The following MACROD2 variants were observed in gnomAD, a reference collection of about 807,000 sequenced individuals.
The protein encoded by MACROD2 is mono-ADP ribosylhydrolase 2, also known as ADP-ribose glycohydrolase MACROD2.
Under a neutral mutation model 70.4 loss-of-function variants are expected in MACROD2, and 36 were observed. The ratio of observed to expected loss-of-function variants is 0.51; its 90% CI spans 0.39 to 0.68. The LOEUF is 0.68. Among genes scored for constraint, MACROD2 ranks in the 30% least tolerant of loss-of-function variants. The pLI, the probability that MACROD2 is intolerant of heterozygous loss-of-function variation, is 0.00. For synonymous variants in MACROD2, 172 were observed against 178.8 expected (o/e 0.96, Z 0.30); for missense variants, 496 against 538.4 (o/e 0.92, Z 0.78).
At chr20:15,931,265 A>G (rs551231933) in intron 10 of MACROD2, among the ~76,000 whole-genome samples, 1 of 152,178 alleles carries the variant, frequency 6.6e-6, no homozygotes, top group Non-Finnish European at 1.5e-5. Flanking sequence ...AACAGGGAAA[A>G]TATCAGATAA....
At chr20:15,872,625 G>A (rs1206874411) in intron 9 of MACROD2, among the ~76,000 whole-genome samples, 1 of 152,036 alleles carries the variant, frequency 6.6e-6, no homozygotes, top group Non-Finnish European at 1.5e-5. Context: ...TGTACACCAA[G>A]CATCATAAAT....
At chr20:15,634,099 G>A (rs1418609933) in intron 8 of MACROD2, among the ~76,000 whole-genome samples, 1 of 152,132 alleles carries the variant, frequency 6.6e-6, no homozygotes, top group Non-Finnish European at 1.5e-5. Context: ...GCTAATCAAA[G>A]AGCAGAGAAA....
intron 3 of MACROD2, among the ~76,000 whole-genome samples, chr20:14,456,188 G>C (rs1452380870): frequency 6.6e-6 from 1 of 151,850 alleles, no homozygotes. Context: ...TCAGATAACA[G>C]TCTTTCATGA....
intron 8 of MACROD2, among the ~76,000 whole-genome samples, chr20:15,774,357 T>G (rs929648306): frequency 9.2e-5 from 14 of 152,196 alleles, no homozygotes; most frequent in Non-Finnish European, 1.9e-4. Context: ...CAGAACTCAC[T>G]TTTCTCTCAG....
rs564749181 is a variant in MACROD2 at position 14,179,088 on chromosome 20, T to TA, written c.271+93361dup. 3.9e-3 allele frequency among the ~76,000 whole-genome samples: 595 copies of TA among 152,270 alleles called. 2 individuals carry two copies. The highest frequency in any genetic ancestry group is 6.6e-3 in the Non-Finnish European group (449 of 68,012). On this transcript the variant is annotated intron_variant, in intron 3 of 17. Transcript: ENST00000684519. ...GTGCATACAGGAGGGAAGGAATTGA[T>TA]AGTGACTATCTTTGGAGTTTAGAGA...
intron 3 of MACROD2, among the ~76,000 whole-genome samples, chr20:14,374,779 C>T (rs1229624914): frequency 1.3e-5 from 2 of 152,100 alleles, no homozygotes; most frequent in Non-Finnish European, 1.5e-5. Flanking sequence ...AAATAGGTAT[C>T]CTCACTCCCC....
intron 4 of MACROD2, among the ~76,000 whole-genome samples, chr20:14,606,865 A>T (rs1982839721): frequency 6.6e-6 from 1 of 152,156 alleles, no homozygotes; most frequent in African/African-American, 2.4e-5. Flanking sequence ...CCAATTTATT[A>T]ACTTAAAAAT....
At chr20:15,654,432 CG>C (rs1258976450) in intron 8 of MACROD2, among the ~76,000 whole-genome samples, 1 of 152,196 alleles carries the variant, frequency 6.6e-6, no homozygotes. Context: ...CAGAAGTCTA[CG>C]TATTAGGTTG....
chr20:14,481,682 T>C (rs980913018), intron 3 of MACROD2, among the ~76,000 whole-genome samples: 7 of 152,208 alleles, frequency 4.6e-5, no homozygotes, highest in African/African-American at 1.4e-4. Flanking sequence ...TCTAGCATAC[T>C]AAAAAGAACA....
intron 3 of MACROD2, among the ~76,000 whole-genome samples, chr20:14,156,505 A>T (rs1488866938): frequency 6.6e-6 from 1 of 152,202 alleles, no homozygotes; most frequent in East Asian, 1.9e-4. Flanking sequence ...TGCCTACATA[A>T]CCTGTTAATC....
intron 2 of MACROD2, among the ~76,000 whole-genome samples, chr20:14,064,899 A>T (rs899398839): frequency 5.3e-5 from 8 of 152,264 alleles, no homozygotes. Flanking sequence ...TATTCAAAGA[A>T]ATCTGGAAGA....
At chr20:14,863,178 G>A (rs1600740933) in intron 5 of MACROD2, among the ~76,000 whole-genome samples, 1 of 152,228 alleles carries the variant, frequency 6.6e-6, no homozygotes, top group East Asian at 1.9e-4. Flanking sequence ...ACTGTAGGAA[G>A]AAAAACGAGA....
chr20:14,027,793 C>T (rs1478277052), intron 2 of MACROD2, among the ~76,000 whole-genome samples: 1 of 152,144 alleles, frequency 6.6e-6, no homozygotes, highest in Admixed American at 6.5e-5. Flanking sequence ...AAGCTTTGTC[C>T]CAGAAGGGCA....
intron 5 of MACROD2, among the ~76,000 whole-genome samples, chr20:15,150,960 G>C (rs1008635433): frequency 2.0e-4 from 30 of 152,038 alleles, no homozygotes; most frequent in Non-Finnish European, 1.3e-4. Context: ...TTGAAAAGAA[G>C]GTAATGTGGC....
intron 3 of MACROD2, chr20:14,337,311 G>A (rs538201384): frequency 1.0e-4 from 32 of 310,136 alleles, no homozygotes; most frequent in African/African-American, 6.0e-4. Context: ...TTCCTATTTG[G>A]ATTTCTCATA....
At chr20:14,619,097 T>C (rs1983650472) in intron 4 of MACROD2, among the ~76,000 whole-genome samples, 1 of 152,006 alleles carries the variant, frequency 6.6e-6, no homozygotes, top group South Asian at 2.1e-4. Context: ...GCAATGCACA[T>C]ACTATGTAAA....
chr20:14,759,777 G>A (rs2071990149), intron 5 of MACROD2, among the ~76,000 whole-genome samples: 1 of 152,036 alleles, frequency 6.6e-6, no homozygotes, highest in South Asian at 2.1e-4. Flanking sequence ...GAAATTCTGG[G>A]TATCTTTAAA....
chr20:16,023,108 A>T (rs1255291140), intron 15 of MACROD2, among the ~76,000 whole-genome samples: 6 of 152,218 alleles, frequency 3.9e-5, no homozygotes, highest in Non-Finnish European at 7.3e-5. Flanking sequence ...GAAGGAAAAT[A>T]AAAAGCTCAA....
Position 15,897,996 on chromosome 20 carries a change from C to A in MACROD2, c.775+12185C>A, listed in dbSNP as rs146954449. On this transcript the variant is annotated intron_variant, in intron 10 of 17. Transcript: ENST00000684519. ...ACCTGAAGATATTACCTTAGCAATA[C>A]CTTAAAGTACATATTTGGCTTAGAG... Among the ~76,000 whole-genome samples the A allele has an allele frequency of 7.0e-3, 1,066 of 152,184 alleles. 11 individuals carry two copies. Among genetic ancestry groups the A allele is most frequent in the African/African-American group, 0.023 (961 of 41,522 alleles).
Sources: allele counts gnomAD v4.1 joint callset (sites outside exome capture counted in the v4.1 genomes callset), GRCh38; gene constraint gnomAD v4.1.1; transcripts MANE v1.5; gene names NCBI Gene and HGNC (gene_info 2026-07-23, HGNC 2026-07-21).